GRK1: variants seen among roughly 807,000 people sequenced by gnomAD.
The protein encoded by GRK1 is G protein-coupled receptor kinase 1, also known as rhodopsin kinase GRK1.
Under a neutral mutation model 41.7 loss-of-function variants are expected in GRK1, and 28 were observed. That is an observed-to-expected ratio of 0.67 (90% CI 0.50 to 0.92). The LOEUF (loss-of-function observed/expected upper bound fraction) is 0.92, where lower values mean the gene tolerates loss of function less well. Among genes scored for constraint, GRK1 ranks in the 40% least tolerant of loss-of-function variants. The pLI is 0.00. For synonymous variants in GRK1, 327 were observed against 286.7 expected (o/e 1.14, Z -1.42); for missense variants, 703 against 671.2 (o/e 1.05, Z -0.52).
At chr13:113,669,110 C>T (rs562897302) in intron 1 of GRK1, among the ~76,000 whole-genome samples, 1 of 152,342 alleles carries the variant, frequency 6.6e-6, no homozygotes, top group East Asian at 1.9e-4. Flanking sequence ...CTTCCGTCAC[C>T]AAACTGAACT....
intron 3 of GRK1, among the ~76,000 whole-genome samples, chr13:113,672,013 G>A (rs2049860873): frequency 6.6e-6 from 1 of 151,610 alleles, no homozygotes; most frequent in Non-Finnish European, 1.5e-5. Flanking sequence ...CCAGGGCCCT[G>A]AGAGAGTGCG....
chr13:113,668,612 A>G (rs1274196748), intron 1 of GRK1, among the ~76,000 whole-genome samples: 1 of 152,210 alleles, frequency 6.6e-6, no homozygotes, highest in Non-Finnish European at 1.5e-5. Context: ...GGTGGGAGTG[A>G]GCGACGGGCA....
At chr13:113,659,152 G>T in the GRK1 span, among the ~76,000 whole-genome samples, 1 of 152,354 alleles carries the variant, frequency 6.6e-6, no homozygotes, top group Admixed American at 6.5e-5. Flanking sequence ...GGACGTGGAG[G>T]GCTCCCAGGC....
chr13:113,733,945 C>CGTGTGTGTGCATACGTGTGTATGT (rs1566700426), intron 6 of GRK1, among the ~76,000 whole-genome samples: 1 of 80,322 alleles, frequency 1.2e-5, no homozygotes, highest in Non-Finnish European at 2.4e-5. Context: ...TACGTGTGTG[C>CGTGTGTGTGCATACGTGTGTATGT]GTGTGTGTGC....
Position 113,735,985 on chromosome 13 carries a change from C to T in GRK1, c.*622C>T, listed in dbSNP as rs1023629763. The T allele has an allele frequency of 6.6e-6, 1 of 152,342 alleles. No individual in the cohort carries two copies. The highest frequency in any genetic ancestry group is 2.4e-5 in the African/African-American group (1 of 41,452). 9.4% of individuals were successfully genotyped at this position (152,342 alleles called of 1,614,324 possible). On this transcript the variant is annotated 3_prime_UTR_variant, in exon 7 of 7. Coordinates refer to ENST00000335678, the MANE Select transcript of GRK1 (RefSeq NM_002929.3). ...TCTGCACACTGGGGCACCATGGTCC[C>T]CTGCACTCCGGGGTGCCATGGTCCA...
In GRK1 at chr13:113,667,838, A is replaced by T. The variant is rs1229939472; in HGVS notation, c.452A>T (p.Gln151Leu). 1 of 1,590,864 alleles carries T rather than the reference A, an allele frequency of 6.3e-7. No homozygotes were observed. Among genetic ancestry groups the T allele is most frequent in the Admixed American group, 1.7e-5 (1 of 57,294 alleles). Residue 151 changes from glutamine (Q) to leucine (L), a missense_variant, in exon 1 of 7, where the codon CAG becomes CTG. Transcript: ENST00000335678. The surrounding 1 kb of genome is among the most constrained non-coding windows in gnomAD (Gnocchi z 7.5). ...GACGGGCTCTTCCAGCCCCTGCTGC[A>T]GGCCACCCTGGCACACCTGGGCCAA... ...IQDGLFQPLL[Q>L]ATLAHLGQAP...
At chr13:113,666,696 A>C (rs1453920061), upstream of GRK1, among the ~76,000 whole-genome samples, 2 of 152,122 alleles carry the variant, frequency 1.3e-5, no homozygotes, top group Non-Finnish European at 2.9e-5. Flanking sequence ...GGTGAGAAGA[A>C]GACAAATGAC....
intron 4 of GRK1, among the ~76,000 whole-genome samples, chr13:113,727,245 G>A (rs1448517234): frequency 6.6e-6 from 1 of 152,248 alleles, no homozygotes; most frequent in East Asian, 1.9e-4. Flanking sequence ...TCAGCATGCA[G>A]CCATCTGGAG....
chr13:113,729,606 C>G (rs1261837761), intron 4 of GRK1, among the ~76,000 whole-genome samples: 1 of 152,216 alleles, frequency 6.6e-6, no homozygotes, highest in African/African-American at 2.4e-5. Flanking sequence ...AGCCCTGAAG[C>G]TGCACAGAAC....
intron 6 of GRK1, among the ~76,000 whole-genome samples, chr13:113,733,969 CGTGTGTGCGCAT>C (rs2049978752): frequency 3.4e-5 from 3 of 87,842 alleles, no homozygotes; most frequent in African/African-American, 1.5e-4. Flanking sequence ...CGTGTGTGTG[CGTGTGTGCGCAT>C]GTGTGTGCAT....
chr13:113,669,157 T>C (rs1324800079), intron 1 of GRK1, among the ~76,000 whole-genome samples: 1 of 152,216 alleles, frequency 6.6e-6, no homozygotes, highest in African/African-American at 2.4e-5. Flanking sequence ...CCCATGTAAG[T>C]GCAGAAAGGG....
upstream of GRK1, among the ~76,000 whole-genome samples, chr13:113,666,172 GCATT>G: frequency 7.1e-6 from 1 of 140,616 alleles, no homozygotes; most frequent in Admixed American, 6.8e-5. Flanking sequence ...TTCCCCAGCT[GCATT>G]TCAAGTGTCT....
chr13:113,724,721 G>A (rs1196830197), intron 4 of GRK1, among the ~76,000 whole-genome samples: 1 of 152,230 alleles, frequency 6.6e-6, no homozygotes, highest in Non-Finnish European at 1.5e-5. Context: ...CTCATCCTGG[G>A]GGATCCCATG....
At chr13:113,653,244 TTCACACCTCACCCACCCGCC>T in the GRK1 span, 13 of 1,462,694 alleles carry the variant, frequency 8.9e-6, no homozygotes, top group Non-Finnish European at 1.2e-5. Flanking sequence ...CACCCGCCGC[TTCACACCTCACCCACCCGCC>T]GCTTCACACC....
At position 113,731,165 on chromosome 13, in the gene GRK1, C is replaced by A. The variant is rs991548381; in HGVS notation, c.1070-54C>A. The A allele has an allele frequency of 6.6e-6, 10 of 1,519,006 alleles. No homozygotes were observed. In the East Asian group the frequency reaches 2.5e-4, roughly 37 times the overall value. 94.1% of individuals were successfully genotyped at this position (1,519,006 alleles called of 1,614,324 possible). A position where few individuals can be genotyped will look rare whatever the true frequency, so the allele number is the denominator to read the frequency against. On this transcript the variant is annotated intron_variant, in intron 4 of 6. Coordinates refer to ENST00000335678, the MANE Select transcript of GRK1 (RefSeq NM_002929.3). This position sits in a 1 kb window ranked among gnomAD's most constrained non-coding sequence, Gnocchi z 5.6. ...CATCAGTCCTGCGATTCCTGGAGTGCGTGCCCACCATGGAGGTGACCACCT... is the reference window on the plus strand; with the variant it reads ...CATCAGTCCTGCGATTCCTGGAGTGAGTGCCCACCATGGAGGTGACCACCT...
intron 1 of GRK1, 56 bp downstream of exon 1, chr13:113,668,141 G>A (rs1364491176): frequency 2.3e-5 from 35 of 1,530,882 alleles, no homozygotes; most frequent in Non-Finnish European, 2.7e-5. Context: ...GGGATGGGGC[G>A]GCAGGGTGCA....
chr13:113,670,804 T>C (rs1016618152), intron 2 of GRK1, among the ~76,000 whole-genome samples: 1 of 138,558 alleles, frequency 7.2e-6, no homozygotes, highest in African/African-American at 2.8e-5. Context: ...GACACGGGGG[T>C]GCCCAGGCGG....
chr13:113,658,721 C>T, the GRK1 span, among the ~76,000 whole-genome samples: 6 of 152,272 alleles, frequency 3.9e-5, no homozygotes, highest in East Asian at 1.9e-4. Context: ...CAGGGGTCCC[C>T]GGGGACTCCT....
chr13:113,734,958 G>A lies in GRK1; in HGVS notation c.1397-110G>A. 3 of 1,094,212 alleles carry A rather than the reference G, an allele frequency of 2.7e-6. 1 individual carries two copies. The highest frequency in any genetic ancestry group is 3.5e-5 in the South Asian group (2 of 56,720). The allele number at this position is 1,094,212 out of a possible 1,614,324, so 67.8% of individuals were successfully genotyped here. ...CACGACACTTCCCTAAGGAAGAGCG[G>A]CCCCAGGCCTTTGTGCATCTGGGAG... is the stretch of plus-strand genomic sequence containing the variant. On this transcript the variant is annotated intron_variant, in intron 6 of 6. Transcript: ENST00000335678.
Sources: allele counts gnomAD v4.1 joint callset (sites outside exome capture counted in the v4.1 genomes callset), GRCh38; gene constraint gnomAD v4.1.1; non-coding constraint Gnocchi (gnomAD v3.1); transcripts MANE v1.5; gene names NCBI Gene and HGNC (gene_info 2026-07-23, HGNC 2026-07-21).